Variants in TMEM132C observed in about 807,000 individuals in gnomAD.
The protein encoded by TMEM132C is transmembrane protein 132C.
In TMEM132C, 29 loss-of-function variants were observed where a neutral mutation model predicts 61.4. The observed-to-expected ratio is 0.47, with a 90% CI of 0.35 to 0.64. The LOEUF (loss-of-function observed/expected upper bound fraction) is 0.64. TMEM132C is among the 30% of genes least tolerant of loss of function. TMEM132C has a pLI of 0.00. For synonymous variants in TMEM132C, 656 were observed against 633.1 expected (o/e 1.04, Z -0.54); for missense variants, 1,408 against 1,476.9 (o/e 0.95, Z 0.76).
intron 3 of TMEM132C, among the ~76,000 whole-genome samples, chr12:128,554,752 G>C (rs1874278492): frequency 6.6e-6 from 1 of 152,136 alleles, no homozygotes; most frequent in Admixed American, 6.5e-5. Context: ...CTCCTAAACA[G>C]AGCACATCGC....
At chr12:128,306,630 G>A (rs1871794031) in intron 1 of TMEM132C, among the ~76,000 whole-genome samples, 1 of 152,184 alleles carries the variant, frequency 6.6e-6, no homozygotes, top group Non-Finnish European at 1.5e-5. Flanking sequence ...GATTTCTGTG[G>A]CAGGTATCTA....
At chr12:128,696,124 G>A (rs1367001934) in intron 7 of TMEM132C, 21 bp downstream of exon 7, 1 of 1,547,698 alleles carries the variant, frequency 6.5e-7, no homozygotes, top group Admixed American at 2.0e-5. Context: ...GGGAGTCTCT[G>A]TGTCCCCAGC....
intron 2 of TMEM132C, among the ~76,000 whole-genome samples, chr12:128,507,246 T>C (rs1872394638): frequency 6.6e-6 from 1 of 152,156 alleles, no homozygotes; most frequent in Non-Finnish European, 1.5e-5. Context: ...TACTGCATAC[T>C]TCACCTGGAG....
chr12:128,525,611 G>T (rs7294869), intron 2 of TMEM132C, among the ~76,000 whole-genome samples: 2 of 152,104 alleles, frequency 1.3e-5, no homozygotes, highest in African/African-American at 4.8e-5. Context: ...TCTGAGAGGT[G>T]TATGATCTAT....
At chr12:128,417,330 T>C (rs11059683) in intron 2 of TMEM132C, among the ~76,000 whole-genome samples, 3,929 of 152,208 alleles carry the variant, frequency 0.026, 118 homozygotes, top group African/African-American at 0.071. Context: ...CTTCAGAAAA[T>C]GTAGTCTCTA....
chr12:128,286,854 C>T (rs764988097), intron 1 of TMEM132C, among the ~76,000 whole-genome samples: 1 of 151,896 alleles, frequency 6.6e-6, no homozygotes, highest in African/African-American at 2.4e-5. Context: ...GTGCCGGGCA[C>T]GTGAGATTAT....
intron 2 of TMEM132C, among the ~76,000 whole-genome samples, chr12:128,507,743 C>A (rs1872424120): frequency 6.6e-6 from 1 of 152,186 alleles, no homozygotes; most frequent in South Asian, 2.1e-4. Flanking sequence ...TGAGCAAACT[C>A]TCCCAGAAGC....
At chr12:128,543,691 C>A (rs1218086864) in intron 2 of TMEM132C, among the ~76,000 whole-genome samples, 2 of 152,122 alleles carry the variant, frequency 1.3e-5, no homozygotes, top group Admixed American at 6.5e-5. Flanking sequence ...CTCTGCCCTG[C>A]CACCTCCTGG....
intron 1 of TMEM132C, among the ~76,000 whole-genome samples, chr12:128,300,687 A>G (rs976262757): frequency 3.3e-5 from 5 of 152,272 alleles, no homozygotes; most frequent in African/African-American, 7.2e-5. Flanking sequence ...CCCTAGAAAT[A>G]TGGAATCTTG....
intron 1 of TMEM132C, among the ~76,000 whole-genome samples, chr12:128,291,905 G>A (rs545626688): frequency 5.5e-4 from 84 of 152,306 alleles, no homozygotes; most frequent in African/African-American, 1.9e-3. Flanking sequence ...TGGCCAGGGC[G>A]TCTCAGGAAC....
At chr12:128,426,644 T>A (rs1869193637) in intron 2 of TMEM132C, among the ~76,000 whole-genome samples, 1 of 152,184 alleles carries the variant, frequency 6.6e-6, no homozygotes, top group Non-Finnish European at 1.5e-5. Context: ...AAGGAACAAT[T>A]TTCTTTCTGC....
rs545048167 is a variant in TMEM132C, at chr12:128,494,145, A to G, written c.975-49812A>G. Among the ~76,000 whole-genome samples, 3 of 152,218 alleles carry G rather than the reference A, an allele frequency of 2.0e-5. No homozygotes were observed. The East Asian group carries it at 5.8e-4, about 29-fold the overall frequency. Reference sequence around the variant, plus strand: ...GTCTTTGGTTCTGTTTATATGCTGGATTATGTTTATTGATTTGCATATGTT... The same window carrying G: ...GTCTTTGGTTCTGTTTATATGCTGGGTTATGTTTATTGATTTGCATATGTT... On this transcript the variant is annotated intron_variant, in intron 2 of 8. Coordinates refer to ENST00000435159, the MANE Select transcript of TMEM132C (RefSeq NM_001136103.3).
At chr12:128,595,997 T>C (rs1453355672) in intron 3 of TMEM132C, among the ~76,000 whole-genome samples, 1 of 152,250 alleles carries the variant, frequency 6.6e-6, no homozygotes, top group African/African-American at 2.4e-5. Flanking sequence ...ACATCCACTC[T>C]ATCAGGGCCA....
chr12:128,301,975 T>G (rs1393089804), intron 1 of TMEM132C, among the ~76,000 whole-genome samples: 5 of 152,164 alleles, frequency 3.3e-5, no homozygotes, highest in Non-Finnish European at 5.9e-5. Context: ...TCATGAGACT[T>G]ACTTACTACC....
chr12:128,703,285 C>A (rs576905468), intron 8 of TMEM132C, among the ~76,000 whole-genome samples: 2 of 151,392 alleles, frequency 1.3e-5, no homozygotes, highest in East Asian at 2.0e-4. Context: ...ATTCTTGATC[C>A]TCTCCCTGGT....
intron 1 of TMEM132C, among the ~76,000 whole-genome samples, chr12:128,383,977 A>G (rs1874497659): frequency 6.6e-6 from 1 of 152,212 alleles, no homozygotes; most frequent in African/African-American, 2.4e-5. Context: ...GGCTAATGCC[A>G]AAGGGTGCGT....
chr12:128,272,428 A>T (rs1566037751), intron 1 of TMEM132C, among the ~76,000 whole-genome samples: 1 of 152,178 alleles, frequency 6.6e-6, no homozygotes, highest in Non-Finnish European at 1.5e-5. Flanking sequence ...AAAGACCTTA[A>T]AATTATGCAA....
At chr12:128,333,394 A>G (rs142369822) in intron 1 of TMEM132C, among the ~76,000 whole-genome samples, 1 of 152,034 alleles carries the variant, frequency 6.6e-6, no homozygotes, top group Non-Finnish European at 1.5e-5. Context: ...GAGTATGTAT[A>G]TGCATGTAAA....
At chr12:128,604,590 T>C (rs1043038780) in intron 3 of TMEM132C, among the ~76,000 whole-genome samples, 3 of 151,288 alleles carry the variant, frequency 2.0e-5, no homozygotes, top group Non-Finnish European at 4.4e-5. Context: ...AGATAGATCA[T>C]AGAGGGATAG....
Sources: gnomAD v4.1 joint callset for allele counts (sites outside exome capture counted in the v4.1 genomes callset) on GRCh38, gnomAD v4.1.1 for gene constraint, MANE v1.5 for transcripts, NCBI Gene and HGNC (gene_info 2026-07-23, HGNC 2026-07-21) for gene names.